The following PCDH15 variants were observed in gnomAD, a reference collection of about 807,000 sequenced individuals.
The protein encoded by PCDH15 is protocadherin-15.
In PCDH15, 129 loss-of-function variants were observed where a neutral mutation model predicts 178.5. That is an observed-to-expected ratio of 0.72 (90% CI 0.63 to 0.84). PCDH15 has a LOEUF of 0.84. Among genes scored for constraint, PCDH15 ranks in the 40% least tolerant of loss-of-function variants. PCDH15 has a pLI of 0.00. For missense variants in PCDH15, 2,230 were observed against 2,099.9 expected, an observed-to-expected ratio of 1.06 and a Z score of -1.21; for synonymous variants, 800 against 732.0, an observed-to-expected ratio of 1.09 and a Z score of -1.50.
chr10:54,671,792 C>T (rs1304269835), intron 1 of PCDH15, among the ~76,000 whole-genome samples: 1 of 152,094 alleles, frequency 6.6e-6, no homozygotes, highest in Non-Finnish European at 1.5e-5. Context: ...CAGAGTGTGA[C>T]AGTCACACCT....
At chr10:54,119,882 G>A (rs2095184973) in intron 15 of PCDH15, among the ~76,000 whole-genome samples, 1 of 151,954 alleles carries the variant, frequency 6.6e-6, no homozygotes, top group Admixed American at 6.6e-5. Flanking sequence ...ATCCACCCGC[G>A]ATCTACATTA....
chr10:54,841,928 T>C (rs1953425660), intron 3 of PCDH15, among the ~76,000 whole-genome samples: 1 of 151,876 alleles, frequency 6.6e-6, no homozygotes, highest in South Asian at 2.1e-4. Flanking sequence ...ATAAACAATG[T>C]TTATTTTTAT....
At chr10:55,267,831 G>A (rs1422087208) in intron 1 of PCDH15, among the ~76,000 whole-genome samples, 2 of 152,142 alleles carry the variant, frequency 1.3e-5, no homozygotes, top group African/African-American at 4.8e-5. Flanking sequence ...GGGAATGGAG[G>A]AAGAAAGTAT....
intron 10 of PCDH15, among the ~76,000 whole-genome samples, chr10:54,201,365 A>G (rs1401789442): frequency 1.3e-5 from 2 of 152,094 alleles, no homozygotes; most frequent in South Asian, 4.1e-4. Flanking sequence ...AGGTAATACC[A>G]CATTTTAATT....
At chr10:53,826,450 G>A (rs751540377) in intron 32 of PCDH15, among the ~76,000 whole-genome samples, 1 of 151,932 alleles carries the variant, frequency 6.6e-6, no homozygotes, top group Non-Finnish European at 1.5e-5. Context: ...ACTAGTAACT[G>A]ATACGGATGT....
chr10:54,539,520 C>T (rs2084960688), intron 2 of PCDH15, among the ~76,000 whole-genome samples: 1 of 152,122 alleles, frequency 6.6e-6, no homozygotes, highest in Non-Finnish European at 1.5e-5. Flanking sequence ...ACATAGCACA[C>T]AATGATAGTG....
intron 28 of PCDH15, among the ~76,000 whole-genome samples, chr10:53,854,133 T>C (rs2078574236): frequency 6.6e-6 from 1 of 151,946 alleles, no homozygotes; most frequent in African/African-American, 2.4e-5. Context: ...CATGGGAATA[T>C]CATGCTAAGT....
At chr10:55,609,305 G>T (rs567874895) in intron 2 of PCDH15, among the ~76,000 whole-genome samples, 1 of 152,240 alleles carries the variant, frequency 6.6e-6, no homozygotes, top group South Asian at 2.1e-4. Flanking sequence ...TTCAGAGGCA[G>T]CTCCAGCATT....
Position 53,811,628 on chromosome 10 carries a change from C to T in PCDH15, c.4492-9G>A. On this transcript the variant is annotated splice_polypyrimidine_tract_variant and intron_variant, in intron 35 of 37. Transcript: ENST00000644397. ...GACTCCATGGATAATTCCTATTGTT[C>T]AAAAAGAAAAATTGCATTTGAAAAC... 6.5e-7 allele frequency: 1 copy of T among 1,528,232 alleles called. No homozygotes were observed. 94.7% of individuals were successfully genotyped at this position (1,528,232 alleles called of 1,614,324 possible). A position where few individuals can be genotyped will look rare whatever the true frequency, so the allele number is the denominator to read the frequency against.
intron 5 of PCDH15, among the ~76,000 whole-genome samples, chr10:54,367,644 C>T (rs1342691030): frequency 2.0e-5 from 3 of 151,614 alleles, no homozygotes; most frequent in Admixed American, 1.3e-4. Flanking sequence ...CATCACACAC[C>T]GGGGCCTGTT....
chr10:54,806,454 T>G (rs1210893592), intron 3 of PCDH15, among the ~76,000 whole-genome samples: 1 of 151,896 alleles, frequency 6.6e-6, no homozygotes, highest in Non-Finnish European at 1.5e-5. Flanking sequence ...AATCATTTGG[T>G]TATGACTATA....
intron 2 of PCDH15, among the ~76,000 whole-genome samples, chr10:54,910,912 T>C (rs1229037425): frequency 1.3e-5 from 2 of 152,058 alleles, no homozygotes; most frequent in African/African-American, 2.4e-5. Context: ...GCAGAGGCAA[T>C]TGAGATGGGA....
intron 2 of PCDH15, among the ~76,000 whole-genome samples, chr10:55,585,052 T>TA (rs1589156711): frequency 6.6e-6 from 1 of 151,176 alleles, no homozygotes; most frequent in Non-Finnish European, 1.5e-5. Context: ...TCTATATTAT[T>TA]AATACTATAT....
intron 10 of PCDH15, among the ~76,000 whole-genome samples, chr10:54,211,804 G>A (rs1168835469): frequency 6.6e-6 from 1 of 152,042 alleles, no homozygotes; most frequent in Non-Finnish European, 1.5e-5. Flanking sequence ...CTGCCAGATT[G>A]TAGCATTTCA....
chr10:53,960,773 G>A (rs1318750060), intron 22 of PCDH15, among the ~76,000 whole-genome samples: 3 of 152,118 alleles, frequency 2.0e-5, no homozygotes, highest in African/African-American at 7.2e-5. Context: ...CCAAACAGCG[G>A]TAAAATCATG....
At chr10:54,131,528 A>G (rs893537903) in intron 15 of PCDH15, among the ~76,000 whole-genome samples, 58 of 151,760 alleles carry the variant, frequency 3.8e-4, no homozygotes, top group African/African-American at 1.2e-3. Context: ...TCTTTTAATT[A>G]TTTCATGAAA....
intron 1 of PCDH15, among the ~76,000 whole-genome samples, chr10:55,188,117 T>A (rs1839846299): frequency 6.6e-6 from 1 of 151,972 alleles, no homozygotes; most frequent in South Asian, 2.1e-4. Flanking sequence ...TGAATGAAGA[T>A]AAGCAAACAG....
At chr10:54,237,965 C>T (rs1412971061) in intron 8 of PCDH15, among the ~76,000 whole-genome samples, 1 of 152,122 alleles carries the variant, frequency 6.6e-6, no homozygotes, top group African/African-American at 2.4e-5. Flanking sequence ...AAGAAACACC[C>T]ATTAACCTGT....
chr10:54,711,179 G>C (rs1410270709), intron 1 of PCDH15, among the ~76,000 whole-genome samples: 1 of 151,948 alleles, frequency 6.6e-6, no homozygotes, highest in Admixed American at 6.6e-5. Flanking sequence ...CAAATACTCA[G>C]AAGAGTTTCA....
Sources: gnomAD v4.1 joint callset for allele counts (sites outside exome capture counted in the v4.1 genomes callset) on GRCh38, gnomAD v4.1.1 for gene constraint, MANE v1.5 for transcripts, NCBI Gene and HGNC (gene_info 2026-07-23, HGNC 2026-07-21) for gene names.